Variants in ANKRD36B observed in about 807,000 individuals in gnomAD.
ANKRD36B encodes ankyrin repeat domain 36B, also known as ankyrin repeat domain-containing protein 36B.
In ANKRD36B, 37 loss-of-function variants were observed where a neutral mutation model predicts 135.7. The observed-to-expected ratio is 0.27, with a 90% CI of 0.21 to 0.36. ANKRD36B has a LOEUF of 0.36. Among genes scored for constraint, ANKRD36B ranks in the 10% least tolerant of loss-of-function variants. ANKRD36B has a pLI of 1.00. For synonymous variants in ANKRD36B, 179 were observed against 348.1 expected (o/e 0.51, Z 5.41); for missense variants, 549 against 1,037.1 (o/e 0.53, Z 6.46).
chr2:97,550,015 C>A (rs1381407512), intron 18 of ANKRD36B, among the ~76,000 whole-genome samples: 1 of 151,746 alleles, frequency 6.6e-6, no homozygotes, highest in Non-Finnish European at 1.5e-5. Context: ...AGGATTTACA[C>A]CATTATACTA....
At chr2:97,557,994 T>C (rs1231525156) in intron 10 of ANKRD36B, among the ~76,000 whole-genome samples, 1 of 151,972 alleles carries the variant, frequency 6.6e-6, no homozygotes, top group Non-Finnish European at 1.5e-5. Flanking sequence ...AATAGTCTGG[T>C]ATAAAATATC....
At position 97,536,596 on chromosome 2, in the gene ANKRD36B, A is replaced by C. The variant is rs2078903020; in HGVS notation, c.2090-100T>G. On this transcript the variant is annotated intron_variant, in intron 32 of 43. Coordinates refer to ENST00000359901, the MANE Select transcript of ANKRD36B (RefSeq NM_001393939.1). ...CAAACTGAATACTCTTGCCTGTATTAGTGTAGGGTTTCATGTTTTTCTAGT... is the reference window on the plus strand; with the variant it reads ...CAAACTGAATACTCTTGCCTGTATTCGTGTAGGGTTTCATGTTTTTCTAGT... 3 of 500,700 alleles carry C rather than the reference A, an allele frequency of 6.0e-6. 1 individual carries two copies. The highest frequency in any genetic ancestry group is 1.1e-5 in the Non-Finnish European group (3 of 279,150). The allele number at this position is 500,700 out of a possible 1,614,324, so 31.0% of individuals were successfully genotyped here. A position where few individuals can be genotyped will look rare whatever the true frequency, so the allele number is the denominator to read the frequency against.
At chr2:97,552,786 CT>C (rs767874415) in intron 16 of ANKRD36B, among the ~76,000 whole-genome samples, 21 of 151,912 alleles carry the variant, frequency 1.4e-4, no homozygotes, top group Non-Finnish European at 2.9e-4. Context: ...AGTTTTCTGT[CT>C]TTTCTTCGCA....
chr2:97,573,157 T>G (rs2081998641), intron 6 of ANKRD36B, among the ~76,000 whole-genome samples: 1 of 152,084 alleles, frequency 6.6e-6, no homozygotes, highest in African/African-American at 2.4e-5. Flanking sequence ...AGTGACAACA[T>G]GCGGTGTTTC....
Position 97,544,896 on chromosome 2 carries a change from C to G in ANKRD36B, c.1681+770G>C, listed in dbSNP as rs1314644012. On this transcript the variant is annotated intron_variant, in intron 24 of 43. Coordinates refer to ENST00000359901, the MANE Select transcript of ANKRD36B (RefSeq NM_001393939.1). Reference sequence around the variant, plus strand: ...CATTCAATAGCTATTTTATCCAAGACTTAGCTCCTTGAACTTTGAAGCCAA... The same window carrying G: ...CATTCAATAGCTATTTTATCCAAGAGTTAGCTCCTTGAACTTTGAAGCCAA... 6.3e-5 allele frequency among the ~76,000 whole-genome samples: 6 copies of G among 95,902 alleles called. 2 individuals are homozygous for G. The highest frequency in any genetic ancestry group is 5.6e-4 in the Admixed American group (6 of 10,780). 62.9% of individuals were successfully genotyped at this position (95,902 alleles called of 152,430 possible).
intron 10 of ANKRD36B, among the ~76,000 whole-genome samples, chr2:97,558,395 C>T (rs1367840066): frequency 2.0e-5 from 3 of 151,962 alleles, no homozygotes; most frequent in East Asian, 1.9e-4. Flanking sequence ...GTCTCCTTAG[C>T]TCTCGTTCTA....
chr2:97,582,872 T>G (rs554241502), intron 3 of ANKRD36B, among the ~76,000 whole-genome samples: 3 of 152,188 alleles, frequency 2.0e-5, no homozygotes, highest in Admixed American at 6.5e-5. Flanking sequence ...TAATTTATGT[T>G]TAATTTTCCC....
rs1401034553 is a variant in ANKRD36B, at chr2:97,530,622, T to G, written c.2265+1689A>C. Among the ~76,000 whole-genome samples the G allele has an allele frequency of 4.2e-5, 4 of 95,052 alleles. 1 individual carries two copies. Among genetic ancestry groups the G allele is most frequent in the African/African-American group, 1.3e-4 (4 of 31,596 alleles). The allele number at this position is 95,052 out of a possible 152,430, so 62.4% of individuals were successfully genotyped here. ...CTACCATCAGAGTGAACAGGCAACC[T>G]ACAAAATGGGAGAAAATTTTCACAA... is the stretch of plus-strand genomic sequence containing the variant. On this transcript the variant is annotated intron_variant, in intron 35 of 43. Transcript: ENST00000359901.
At chr2:97,565,683 G>A (rs1341030105) in intron 6 of ANKRD36B, among the ~76,000 whole-genome samples, 6 of 152,070 alleles carry the variant, frequency 3.9e-5, no homozygotes, top group East Asian at 1.9e-4. Flanking sequence ...AAAGGCAATC[G>A]TTAAAAGGTC....
chr2:97,586,644 A>C (rs541202610), intron 1 of ANKRD36B, among the ~76,000 whole-genome samples: 24 of 152,200 alleles, frequency 1.6e-4, no homozygotes, highest in Non-Finnish European at 3.1e-4. Context: ...CTATAAATTA[A>C]AGCAGTGCTT....
At position 97,545,020 on chromosome 2, in the gene ANKRD36B, T is replaced by C. The variant is rs1168178192; in HGVS notation, c.1681+646A>G. On this transcript the variant is annotated intron_variant, in intron 24 of 43. Transcript: ENST00000359901. ...ATTACTCCTAAAGAGGAGTAATGAGTCACTGTGGTTTATCCCAATTCTAGC... is the reference window on the plus strand; with the variant it reads ...ATTACTCCTAAAGAGGAGTAATGAGCCACTGTGGTTTATCCCAATTCTAGC... 2.1e-5 allele frequency among the ~76,000 whole-genome samples: 2 copies of C among 95,048 alleles called. 1 individual carries two copies. Among genetic ancestry groups the C allele is most frequent in the East Asian group, 4.7e-4 (2 of 4,252 alleles). The allele number at this position is 95,048 out of a possible 152,430, so 62.4% of individuals were successfully genotyped here. A position where few individuals can be genotyped will look rare whatever the true frequency, so the allele number is the denominator to read the frequency against.
chr2:97,546,803 T>G lies in ANKRD36B; in HGVS notation c.1579+733A>C, dbSNP rs186956389. ...TAGCCCCTTGAACAAGGAAGCAAAT[T>G]TATTCATATTCAAGATTATCGCATT... On this transcript the variant is annotated intron_variant, in intron 22 of 43. Transcript: ENST00000359901. Among the ~76,000 whole-genome samples the G allele has an allele frequency of 2.0e-3, 311 of 151,748 alleles. 1 individual carries two copies. Among genetic ancestry groups the G allele is most frequent in the African/African-American group, 7.2e-3 (300 of 41,478 alleles).
intron 22 of ANKRD36B, 110 bp from the exon 23 acceptor site, chr2:97,545,971 G>C (rs2079423514): frequency 4.4e-6 from 4 of 911,424 alleles, no homozygotes; most frequent in South Asian, 1.3e-5. Context: ...TAATAGTGTA[G>C]GCTTTGATGG....
intron 6 of ANKRD36B, among the ~76,000 whole-genome samples, chr2:97,572,183 G>T (rs13027550): frequency 2.6e-5 from 4 of 151,678 alleles, no homozygotes; most frequent in Admixed American, 2.6e-4. Flanking sequence ...TTAGGAGGCC[G>T]AGGTAGGAGG....
chr2:97,572,157 T>C, intron 6 of ANKRD36B, among the ~76,000 whole-genome samples: 1 of 151,978 alleles, frequency 6.6e-6, no homozygotes, highest in East Asian at 1.9e-4. Flanking sequence ...CATATACTTG[T>C]AGCAGTCTCA....
At position 97,552,032 on chromosome 2, in the gene ANKRD36B, C is replaced by A. The variant is rs554644829; in HGVS notation, c.1274-552G>T. ...CACCTTGGATATCTGGTTGCTGATACCTAGTAGATAATATTCATTATCTCT... is the reference window on the plus strand; with the variant it reads ...CACCTTGGATATCTGGTTGCTGATAACTAGTAGATAATATTCATTATCTCT... On this transcript the variant is annotated intron_variant, in intron 16 of 43. Transcript: ENST00000359901. 3.3e-5 allele frequency among the ~76,000 whole-genome samples: 5 copies of A among 152,002 alleles called. No homozygotes were observed. The East Asian group carries it at 5.9e-4, about 18-fold the overall frequency.
In ANKRD36B at chr2:97,539,001, G is replaced by A. The variant is rs2079023051; in HGVS notation, c.1988-638C>T. Reference sequence around the variant, plus strand: ...GTTGTGTCCTCTAGTTTAGGCTACAGAAAGGTTCTTCATCCACTCATGGCA... The same window carrying A: ...GTTGTGTCCTCTAGTTTAGGCTACAAAAAGGTTCTTCATCCACTCATGGCA... On this transcript the variant is annotated intron_variant, in intron 30 of 43. Coordinates refer to ENST00000359901, the MANE Select transcript of ANKRD36B (RefSeq NM_001393939.1). Among the ~76,000 whole-genome samples the A allele has an allele frequency of 2.1e-5, 2 of 96,428 alleles. 1 individual carries two copies. Among genetic ancestry groups the A allele is most frequent in the Admixed American group, 1.8e-4 (2 of 10,814 alleles). 63.3% of individuals were successfully genotyped at this position (96,428 alleles called of 152,430 possible). A position where few individuals can be genotyped will look rare whatever the true frequency, so the allele number is the denominator to read the frequency against.
rs111282902 is a variant in ANKRD36B at position 97,545,241 on chromosome 2, G to C, written c.1681+425C>G. On this transcript the variant is annotated intron_variant, in intron 24 of 43. Coordinates refer to ENST00000359901, the MANE Select transcript of ANKRD36B (RefSeq NM_001393939.1). ...GAGGAAAATAATTGCTACATCACTG[G>C]TCTTGTTACTTGTCATTCTACAGTG... Among the ~76,000 whole-genome samples, 7 of 95,446 alleles carry C rather than the reference G, an allele frequency of 7.3e-5. 2 individuals are homozygous for C. Among genetic ancestry groups the C allele is most frequent in the Non-Finnish European group, 2.0e-4 (7 of 35,578 alleles). 62.6% of individuals were successfully genotyped at this position (95,446 alleles called of 152,430 possible). A position where few individuals can be genotyped will look rare whatever the true frequency, so the allele number is the denominator to read the frequency against.
chr2:97,574,579 C>T (rs556084175), intron 6 of ANKRD36B, among the ~76,000 whole-genome samples: 193 of 152,260 alleles, frequency 1.3e-3, no homozygotes, highest in African/African-American at 4.5e-3. Context: ...GCTATAAAGA[C>T]ACATGCACAT....
Sources: allele counts gnomAD v4.1 joint callset (sites outside exome capture counted in the v4.1 genomes callset), GRCh38; gene constraint gnomAD v4.1.1; transcripts MANE v1.5; gene names NCBI Gene and HGNC (gene_info 2026-07-23, HGNC 2026-07-21).